ZSWIM3: variants seen among roughly 807,000 people sequenced by gnomAD.
ZSWIM3 encodes the protein zinc finger SWIM-type containing 3, also known as zinc finger SWIM domain-containing protein 3.
ZSWIM3 carries 27 observed loss-of-function variants against 47.5 expected under a neutral mutation model. The ratio of observed to expected loss-of-function variants is 0.57; its 90% confidence interval spans 0.42 to 0.78. The LOEUF (loss-of-function observed/expected upper bound fraction) is 0.78, where lower values mean the gene tolerates loss of function less well. Ranked by LOEUF, ZSWIM3 falls within the 30% of genes least tolerant of loss-of-function variation. ZSWIM3 has a pLI of 0.00. For missense variants in ZSWIM3, 689 were observed against 861.3 expected, an observed-to-expected ratio of 0.80 and a Z score of 2.50; for synonymous variants, 333 against 333.9, an observed-to-expected ratio of 1.00 and a Z score of 0.03.
intron 1 of ZSWIM3, among the ~76,000 whole-genome samples, chr20:45,859,816 A>AAAAAAAAAAAC (rs146830909): frequency 1.5e-5 from 2 of 129,302 alleles, no homozygotes; most frequent in African/African-American, 2.7e-5. Flanking sequence ...AAAAAAAAAA[A>AAAAAAAAAAAC]CCACAGTTGC....
In ZSWIM3 at chr20:45,876,719, T is replaced by A. The variant is rs1479556740; in HGVS notation, c.161T>A (p.Val54Glu). 3.5e-5 allele frequency: 56 copies of A among 1,611,228 alleles called. No homozygotes were observed. Among genetic ancestry groups the A allele is most frequent in the Non-Finnish European group, 4.7e-5 (55 of 1,178,316 alleles). ...GTTACCTCTACCTTCCCTAGGTATG[T>A]GCAGGTGAAATTTGTCTGCATTCGG... ...GTSIREDILY[V>E]QVKFVCIRTQ... Residue 54 changes from valine (V) to glutamate (E), a missense_variant, in exon 2 of 2, where the codon GTG (valine) becomes GAG (glutamate). Physicochemically the swap from Val to Glu is moderately radical, Grantham distance 121. Transcript: ENST00000255152.
chr20:45,872,554 A>C (rs909198680), intron 1 of ZSWIM3: 4 of 439,004 alleles, frequency 9.1e-6, no homozygotes, highest in African/African-American at 8.3e-5. Context: ...CTGAAGGATG[A>C]GCAAGGCTTG....
At position 45,876,703 on chromosome 20, in the gene ZSWIM3, A is replaced by G. The variant is rs1282769704; in HGVS notation, c.156-11A>G. On this transcript the variant is annotated splice_polypyrimidine_tract_variant and intron_variant, in intron 1 of 1. Transcript: ENST00000255152. ...CAGCACCTTTCTCATTGTTACCTCT[A>G]CCTTCCCTAGGTATGTGCAGGTGAA... is the stretch of plus-strand genomic sequence containing the variant. The G allele has an allele frequency of 6.2e-7, 1 of 1,603,516 alleles. No individual in the cohort carries two copies. Among genetic ancestry groups the G allele is most frequent in the East Asian group, 2.2e-5 (1 of 44,818 alleles).
At chr20:45,870,055 AAAAAAAAAG>A (rs1436527670) in intron 1 of ZSWIM3, among the ~76,000 whole-genome samples, 5 of 149,394 alleles carry the variant, frequency 3.3e-5, no homozygotes, top group Non-Finnish European at 7.4e-5. Flanking sequence ...AGAAAAAAAA[AAAAAAAAAG>A]AAAAGGCCAA....
intron 1 of ZSWIM3, among the ~76,000 whole-genome samples, chr20:45,871,456 T>G (rs558805536): frequency 6.6e-6 from 1 of 152,234 alleles, no homozygotes; most frequent in African/African-American, 2.4e-5. Flanking sequence ...ATGACATAAG[T>G]AGTATAATAG....
At position 45,878,894 on chromosome 20, in the gene ZSWIM3, C is replaced by A. The variant is rs1986177266; in HGVS notation, c.*245C>A. 1 of 476,646 alleles carries A rather than the reference C, an allele frequency of 2.1e-6. No individual in the cohort carries two copies. The highest frequency in any genetic ancestry group is 3.7e-6 in the Non-Finnish European group (1 of 269,718). The allele number at this position is 476,646 out of a possible 1,614,324, so 29.5% of individuals were successfully genotyped here. ...TGTTGTTCAAGGCCAAAGTTATCTC[C>A]GTGCTGCAAGGTCACCCTCTTCCTC... is the stretch of plus-strand genomic sequence containing the variant. On this transcript the variant is annotated 3_prime_UTR_variant, in exon 2 of 2. Coordinates refer to ENST00000255152, the MANE Select transcript of ZSWIM3 (RefSeq NM_080752.4).
At chr20:45,860,399 C>T (rs1289317219) in intron 1 of ZSWIM3, among the ~76,000 whole-genome samples, 2 of 136,554 alleles carry the variant, frequency 1.5e-5, no homozygotes, top group East Asian at 4.4e-4. Flanking sequence ...CCCGTAATCC[C>T]AGCTACTCAG....
Position 45,878,315 on chromosome 20 carries a change from A to G in ZSWIM3, c.1757A>G (p.Lys586Arg). ...GEAMVCRRWQ[K>R]KYQYLLGPNG... The stretch of plus-strand genomic sequence containing the variant: ...GCCATGGTGTGCCGCCGGTGGCAGA[A>G]GAAGTACCAGTACCTCCTTGGGCCC... The change falls in exon 2 of 2, where the codon AAG becomes AGG. Residue 586 changes from lysine (K) to arginine (R), a missense_variant. Coordinates refer to ENST00000255152, the MANE Select transcript of ZSWIM3 (RefSeq NM_080752.4). 6.2e-7 allele frequency: 1 copy of G among 1,614,252 alleles called. No individual in the cohort carries two copies. The highest frequency in any genetic ancestry group is 8.5e-7 in the Non-Finnish European group (1 of 1,180,038).
intron 1 of ZSWIM3, among the ~76,000 whole-genome samples, chr20:45,874,100 A>T (rs1986035581): frequency 1.3e-5 from 2 of 152,218 alleles, no homozygotes; most frequent in African/African-American, 4.8e-5. Flanking sequence ...CATGAGTAGA[A>T]GCCAGATGCA....
intron 1 of ZSWIM3, among the ~76,000 whole-genome samples, chr20:45,870,458 C>T (rs1985948892): frequency 6.6e-6 from 1 of 152,022 alleles, no homozygotes; most frequent in African/African-American, 2.4e-5. Flanking sequence ...TTAGATTAGC[C>T]CTGAAGCATG....
chr20:45,878,053 C>T lies in ZSWIM3; in HGVS notation c.1495C>T (p.His499Tyr), dbSNP rs375791093. ...PSQVGMLDTL[H>Y]QSGSELAYKL... is the part of the protein sequence containing the mutation. Reference sequence around the variant, plus strand: ...GCAGGTTGGCATGCTGGACACCTTGCACCAGAGTGGCTCTGAACTAGCCTA... The same window carrying T: ...GCAGGTTGGCATGCTGGACACCTTGTACCAGAGTGGCTCTGAACTAGCCTA... Residue 499 changes from histidine to tyrosine, a missense_variant, in exon 2 of 2, where the codon CAC (histidine) becomes TAC (tyrosine). Transcript: ENST00000255152. 9.3e-6 allele frequency: 15 copies of T among 1,614,184 alleles called. No homozygotes were observed. The highest frequency in any genetic ancestry group is 5.0e-5 in the Admixed American group (3 of 60,026).
chr20:45,875,212 T>G (rs1986063680), intron 1 of ZSWIM3, among the ~76,000 whole-genome samples: 3 of 151,584 alleles, frequency 2.0e-5, no homozygotes, highest in Non-Finnish European at 4.4e-5. Flanking sequence ...CCAGCTAATT[T>G]TTTGTATTTT....
In ZSWIM3 at chr20:45,874,405, G is replaced by A. The variant is rs376694374; in HGVS notation, c.156-2309G>A. 3.9e-5 allele frequency among the ~76,000 whole-genome samples: 6 copies of A among 152,132 alleles called. 1 individual carries two copies. The highest frequency in any genetic ancestry group is 2.1e-4 in the South Asian group (1 of 4,828). Reference sequence around the variant, plus strand: ...TGCATGCCTGTCATCCCAGCTACTCGAGAGGCTGAGGCAGGAGAATCGCTT... The same window carrying A: ...TGCATGCCTGTCATCCCAGCTACTCAAGAGGCTGAGGCAGGAGAATCGCTT... On this transcript the variant is annotated intron_variant, in intron 1 of 1. Transcript: ENST00000255152.
intron 1 of ZSWIM3, among the ~76,000 whole-genome samples, chr20:45,859,792 CAA>C (rs765560893): frequency 0.036 from 1,860 of 52,018 alleles, 15 homozygotes; most frequent in East Asian, 0.18. Flanking sequence ...GAGAGGAATA[CAA>C]AAAAAAAAAA....
chr20:45,871,739 G>A (rs1181461414), intron 1 of ZSWIM3, among the ~76,000 whole-genome samples: 1 of 151,432 alleles, frequency 6.6e-6, no homozygotes, highest in African/African-American at 2.4e-5. Context: ...GCAGGCACCT[G>A]TAATCCCAGC....
intron 1 of ZSWIM3, among the ~76,000 whole-genome samples, chr20:45,863,015 A>G (rs995945014): frequency 5.3e-5 from 8 of 152,164 alleles, no homozygotes; most frequent in Non-Finnish European, 1.0e-4. Context: ...TTGTATATGC[A>G]TTTGCATCTT....
intron 1 of ZSWIM3, among the ~76,000 whole-genome samples, chr20:45,867,370 T>C (rs187663670): frequency 6.6e-6 from 1 of 152,284 alleles, no homozygotes; most frequent in East Asian, 1.9e-4. Flanking sequence ...CCAGTCACTG[T>C]AGTGAGGGCA....
At chr20:45,859,435 A>AG (rs1555826800) in intron 1 of ZSWIM3, among the ~76,000 whole-genome samples, 16 of 93,868 alleles carry the variant, frequency 1.7e-4, no homozygotes, top group East Asian at 6.6e-4. Context: ...AAAAAAAAAA[A>AG]AAAAAGAAAT....
At chr20:45,872,832 A>T in intron 1 of ZSWIM3, 1 of 1,278,080 alleles carries the variant, frequency 7.8e-7, no homozygotes, top group Non-Finnish European at 1.0e-6. Context: ...ATAGGTACAG[A>T]CACTCTCAGC....
Sources: gnomAD v4.1 joint callset for allele counts (sites outside exome capture counted in the v4.1 genomes callset) on GRCh38, gnomAD v4.1.1 for gene constraint, MANE v1.5 for transcripts, NCBI Gene and HGNC (gene_info 2026-07-23, HGNC 2026-07-21) for gene names.